MOV10L1: variants seen among roughly 807,000 people sequenced by gnomAD.
MOV10L1 encodes the protein Mov10 like RNA helicase 1, also known as RNA helicase Mov10l1.
Under a neutral mutation model 143.8 loss-of-function variants are expected in MOV10L1, and 110 were observed. That is an observed-to-expected ratio of 0.76 (90% CI 0.66 to 0.90). MOV10L1 has a LOEUF of 0.90. Among genes scored for constraint, MOV10L1 ranks in the 40% least tolerant of loss-of-function variants. MOV10L1 has a pLI of 0.00. For missense variants in MOV10L1, 1,406 were observed against 1,526.8 expected, an observed-to-expected ratio of 0.92 and a Z score of 1.32; for synonymous variants, 593 against 581.1, an observed-to-expected ratio of 1.02 and a Z score of -0.29.
chr22:50,144,621 G>A lies in MOV10L1; in HGVS notation c.2505+378G>A, dbSNP rs181770835. The stretch of plus-strand genomic sequence containing the variant: ...TTTTGAGACGGAGTCTCGCTGTGTC[G>A]CCCAGGCTGAAGTGCAGTGGCATGA... On this transcript the variant is annotated intron_variant, in intron 18 of 26. Coordinates refer to ENST00000262794, the MANE Select transcript of MOV10L1 (RefSeq NM_018995.3). 3.5e-3 allele frequency among the ~76,000 whole-genome samples: 531 copies of A among 150,812 alleles called. 3 individuals carry two copies. The highest frequency in any genetic ancestry group is 5.1e-3 in the Non-Finnish European group (344 of 67,854).
At chr22:50,101,001 C>G (rs555573691) in intron 3 of MOV10L1, among the ~76,000 whole-genome samples, 21 of 152,168 alleles carry the variant, frequency 1.4e-4, no homozygotes, top group African/African-American at 5.1e-4. Context: ...AGAAACAGAC[C>G]TGTGCATACA....
At position 50,133,996 on chromosome 22, in the gene MOV10L1, C is replaced by G. The variant is rs768773660; in HGVS notation, c.1911-11C>G. ...AAGGTTAGTTATTTTATGTGGTTTT[C>G]TTTCCTGCAGGACCACAAGCAGACG... On this transcript the variant is annotated splice_polypyrimidine_tract_variant and intron_variant, in intron 13 of 26. Coordinates refer to ENST00000262794, the MANE Select transcript of MOV10L1 (RefSeq NM_018995.3). 6.2e-7 allele frequency: 1 copy of G among 1,607,230 alleles called. No homozygotes were observed. The highest frequency in any genetic ancestry group is 1.3e-5 in the African/African-American group (1 of 74,598).
chr22:50,140,239 A>G (rs1367200574), intron 15 of MOV10L1, among the ~76,000 whole-genome samples: 3 of 152,234 alleles, frequency 2.0e-5, no homozygotes, highest in African/African-American at 7.2e-5. Flanking sequence ...GTTCGAGAGC[A>G]TGTGAGCCAG....
chr22:50,138,557 CAA>C (rs985497095), intron 15 of MOV10L1, among the ~76,000 whole-genome samples: 2 of 118,376 alleles, frequency 1.7e-5, no homozygotes, highest in African/African-American at 3.2e-5. Context: ...AACCCTGTCT[CAA>C]AAAAAAAAAA....
intron 22 of MOV10L1, among the ~76,000 whole-genome samples, chr22:50,157,168 G>A (rs890426155): frequency 6.6e-6 from 1 of 152,170 alleles, no homozygotes; most frequent in African/African-American, 2.4e-5. Flanking sequence ...GAGAATTCAG[G>A]TCCTTTGCCC....
At position 50,117,268 on chromosome 22, in the gene MOV10L1, C is replaced by A. The variant is rs144983844; in HGVS notation, c.1371C>A (p.Arg457=). 911 of 1,613,934 alleles carry A rather than the reference C, an allele frequency of 5.6e-4. 6 individuals carry two copies. Among genetic ancestry groups the A allele is most frequent in the Non-Finnish European group, 5.3e-5 (63 of 1,179,952 alleles). The change falls in exon 9 of 27, where the codon CGC becomes CGA. Residue 457 remains arginine (R), a synonymous_variant. Coordinates refer to ENST00000262794, the MANE Select transcript of MOV10L1 (RefSeq NM_018995.3). The stretch of plus-strand genomic sequence containing the variant: ...GGGAGGAGTCACTAATTGCTGCGCG[C>A]GAACCATTTTCTTGGAAAAAGCTTA... The part of the protein sequence containing the change: ...ISGEESLIAA[R]EPFSWKKLKS...
intron 4 of MOV10L1, 43 bp from the exon 5 acceptor site, chr22:50,108,614 A>C: frequency 6.2e-7 from 1 of 1,606,152 alleles, no homozygotes; most frequent in South Asian, 1.1e-5. Flanking sequence ...CCCTGTCGTC[A>C]TGCAGCATCT....
rs762821290 is a variant in MOV10L1, at chr22:50,150,830, G to A, written c.2823G>A (p.Leu941=). The A allele has an allele frequency of 8.1e-6, 13 of 1,614,102 alleles. No individual in the cohort carries two copies. Among genetic ancestry groups the A allele is most frequent in the Non-Finnish European group, 1.0e-5 (12 of 1,180,046 alleles). ...TGAACGTGTCCTTTTTGGAACGGCT[G>A]ATGTCTCGACCCGCGTACCAGAGGG... ...YGLNVSFLER[L]MSRPAYQRDE... Residue 941 remains leucine (L), a synonymous_variant, in exon 21 of 27, where the codon CTG becomes CTA. Coordinates refer to ENST00000262794, the MANE Select transcript of MOV10L1 (RefSeq NM_018995.3).
chr22:50,114,177 A>G (rs2062104068), intron 6 of MOV10L1, among the ~76,000 whole-genome samples: 1 of 151,822 alleles, frequency 6.6e-6, no homozygotes, highest in African/African-American at 2.4e-5. Context: ...TCAGCCTCCC[A>G]AAGTGCTGGG....
chr22:50,153,403 A>G (rs749798635), intron 22 of MOV10L1, among the ~76,000 whole-genome samples, 185 bp downstream of exon 22: 5 of 152,236 alleles, frequency 3.3e-5, no homozygotes, highest in Non-Finnish European at 5.9e-5. Context: ...CTCCTGCCAG[A>G]TGAGTTGTGC....
intron 9 of MOV10L1, among the ~76,000 whole-genome samples, chr22:50,119,142 C>T (rs2062264521): frequency 6.6e-6 from 1 of 151,694 alleles, no homozygotes; most frequent in Non-Finnish European, 1.5e-5. Flanking sequence ...ATACACAGAG[C>T]AACAGCCACA....
intron 5 of MOV10L1, among the ~76,000 whole-genome samples, chr22:50,111,186 C>T (rs768529045): frequency 6.6e-6 from 1 of 152,118 alleles, no homozygotes. Flanking sequence ...GTGGTTCATG[C>T]CTTTTTCCAA....
At chr22:50,120,774 T>A (rs529372869) in intron 10 of MOV10L1, among the ~76,000 whole-genome samples, 158 bp downstream of exon 10, 1 of 152,300 alleles carries the variant, frequency 6.6e-6, no homozygotes, top group East Asian at 1.9e-4. Flanking sequence ...CCGTGAGGGA[T>A]GAGGCACCAT....
At chr22:50,120,720 T>C in intron 10 of MOV10L1, 104 bp downstream of exon 10, 1 of 815,460 alleles carries the variant, frequency 1.2e-6, no homozygotes, top group Non-Finnish European at 2.0e-6. Flanking sequence ...TCATCTGGCT[T>C]GTTTTCTTCA....
In MOV10L1 at chr22:50,145,443, A is replaced by G. The variant is rs548810361; in HGVS notation, c.2506-246A>G. Among the ~76,000 whole-genome samples the G allele has an allele frequency of 2.1e-3, 323 of 152,304 alleles. 1 individual carries two copies. The highest frequency in any genetic ancestry group is 3.3e-3 in the Non-Finnish European group (224 of 68,034). On this transcript the variant is annotated intron_variant, in intron 18 of 26. Coordinates refer to ENST00000262794, the MANE Select transcript of MOV10L1 (RefSeq NM_018995.3). ...ACTCCCTCTCTAAATAAACAAACAA[A>G]CAAACTGAATAGAAAATGTACAAAG...
intron 2 of MOV10L1, chr22:50,096,573 C>T (rs977780314): frequency 2.0e-5 from 3 of 152,196 alleles, no homozygotes; most frequent in African/African-American, 4.8e-5. Context: ...GCAGCTGCAC[C>T]GTTATATGTT....
At chr22:50,139,902 G>A (rs1352774140) in intron 15 of MOV10L1, among the ~76,000 whole-genome samples, 1 of 152,182 alleles carries the variant, frequency 6.6e-6, no homozygotes, top group Non-Finnish European at 1.5e-5. Context: ...GTACCCTGCT[G>A]TGGGAATGGG....
At chr22:50,117,007 A>C in intron 8 of MOV10L1, 150 bp from the exon 9 acceptor site, 2 of 755,446 alleles carry the variant, frequency 2.6e-6, no homozygotes, top group South Asian at 4.4e-5. Flanking sequence ...AGCTTATTTT[A>C]GAAGATCTCT....
chr22:50,112,449 G>A (rs1346529887), intron 5 of MOV10L1, among the ~76,000 whole-genome samples: 2 of 152,254 alleles, frequency 1.3e-5, no homozygotes, highest in African/African-American at 4.8e-5. Flanking sequence ...GGAACCAGGG[G>A]CCTGAAGCGT....
Sources: allele counts gnomAD v4.1 joint callset (sites outside exome capture counted in the v4.1 genomes callset), GRCh38; gene constraint gnomAD v4.1.1; transcripts MANE v1.5; gene names NCBI Gene and HGNC (gene_info 2026-07-23, HGNC 2026-07-21).